Variants in BCAS2 observed in about 807,000 individuals in gnomAD.
BCAS2 encodes BCAS2 pre-mRNA processing factor.
A neutral mutation model predicts 35.3 loss-of-function variants in BCAS2; 34 were observed. The observed-to-expected ratio is 0.96, with a 90% CI of 0.73 to 1.28. BCAS2 has a LOEUF of 1.28. BCAS2 is among the 50% of genes most tolerant of loss of function. The pLI is 0.00. For missense variants in BCAS2, 221 were observed against 268.1 expected (o/e 0.82, Z 1.23); for synonymous variants, 75 against 91.6 (o/e 0.82, Z 1.03).
At chr1:114,581,136 C>T (rs1218768499) in intron 2 of BCAS2, among the ~76,000 whole-genome samples, 163 bp downstream of exon 2, 1 of 151,988 alleles carries the variant, frequency 6.6e-6, no homozygotes, top group East Asian at 1.9e-4. Context: ...ATAAGAACCT[C>T]GGAGAAGACT....
chr1:114,569,664 AT>A (rs768378562), intron 6 of BCAS2, among the ~76,000 whole-genome samples: 341 of 135,616 alleles, frequency 2.5e-3, no homozygotes, highest in Middle Eastern at 4.0e-3. Flanking sequence ...CACCGTGCCT[AT>A]TTTTTTTTTT....
intron 5 of BCAS2, 31 bp downstream of exon 5, chr1:114,570,669 C>G (rs1323478380): frequency 6.7e-7 from 1 of 1,490,150 alleles, no homozygotes; most frequent in Non-Finnish European, 9.2e-7. Flanking sequence ...TTCACTTAAA[C>G]TTCATTCTGT....
In BCAS2 at chr1:114,568,117, C is replaced by A; in HGVS notation, c.*13G>T. On this transcript the variant is annotated 3_prime_UTR_variant, in exon 7 of 7. Coordinates refer to ENST00000369541, the MANE Select transcript of BCAS2 (RefSeq NM_005872.3). ...GAAAGCCCAACTTTTCTTCTACCTG[C>A]TAAATTGTCTTTTCAGAAGTCTTGC... 6.2e-7 allele frequency: 1 copy of A among 1,611,908 alleles called. No individual in the cohort carries two copies. The highest frequency in any genetic ancestry group is 8.5e-7 in the Non-Finnish European group (1 of 1,179,850).
chr1:114,576,189 T>C (rs1184118009), intron 3 of BCAS2, among the ~76,000 whole-genome samples: 1 of 151,288 alleles, frequency 6.6e-6, no homozygotes, highest in East Asian at 1.9e-4. Context: ...TTCTATTCTC[T>C]CTTCATACTA....
At chr1:114,568,305 TCTTAG>T in intron 6 of BCAS2, 49 bp from the exon 7 acceptor site, 18 of 1,576,034 alleles carry the variant, frequency 1.1e-5, no homozygotes, top group Non-Finnish European at 1.5e-5. Flanking sequence ...GTAAAACTTC[TCTTAG>T]AAGATTTTAT....
At chr1:114,574,404 GTTACT>G (rs1408356874) in intron 4 of BCAS2, among the ~76,000 whole-genome samples, 5 of 152,182 alleles carry the variant, frequency 3.3e-5, no homozygotes, top group African/African-American at 9.7e-5. Flanking sequence ...TTTCAAGAAA[GTTACT>G]TTACATTTCT....
At chr1:114,577,377 A>ATTT (rs113493679) in intron 2 of BCAS2, among the ~76,000 whole-genome samples, 235 of 149,896 alleles carry the variant, frequency 1.6e-3, no homozygotes, top group Admixed American at 3.2e-3. Context: ...TTATTTATTT[A>ATTT]TTTTTTTTTT....
chr1:114,570,783 C>A, intron 4 of BCAS2, 33 bp from the exon 5 acceptor site: 1 of 1,432,184 alleles, frequency 7.0e-7, no homozygotes, highest in Non-Finnish European at 9.7e-7. Flanking sequence ...GATTAAAATA[C>A]ATTAAAATAG....
intron 5 of BCAS2, among the ~76,000 whole-genome samples, 196 bp from the exon 6 acceptor site, chr1:114,570,268 T>TCA (rs61232118): frequency 0.062 from 9,371 of 150,598 alleles, 799 homozygotes; most frequent in East Asian, 0.45. Flanking sequence ...TTGTGAGAAA[T>TCA]CACACACACA....
intron 6 of BCAS2, among the ~76,000 whole-genome samples, chr1:114,569,397 CAT>C (rs1483438539): frequency 1.3e-5 from 2 of 151,904 alleles, no homozygotes; most frequent in Non-Finnish European, 2.9e-5. Flanking sequence ...TAAAGGTATA[CAT>C]GTGTGTATGT....
chr1:114,575,036 C>CTTT (rs546575497), intron 4 of BCAS2, among the ~76,000 whole-genome samples: 258 of 140,294 alleles, frequency 1.8e-3, no homozygotes, highest in Non-Finnish European at 3.2e-3. Context: ...GCCGGCTAAT[C>CTTT]TTTTTTTTTT....
chr1:114,578,783 G>A (rs910139773), intron 2 of BCAS2, among the ~76,000 whole-genome samples: 4 of 152,142 alleles, frequency 2.6e-5, no homozygotes, highest in African/African-American at 9.7e-5. Context: ...ACAGACCTTC[G>A]TAAATAGTTG....
chr1:114,571,080 C>T (rs1391814345), intron 4 of BCAS2, among the ~76,000 whole-genome samples: 1 of 151,196 alleles, frequency 6.6e-6, no homozygotes, highest in African/African-American at 2.4e-5. Flanking sequence ...TTTTTTGAGA[C>T]AGTCTCGTTC....
intron 5 of BCAS2, 146 bp downstream of exon 5, chr1:114,570,554 A>C (rs2101626323): frequency 1.5e-6 from 1 of 650,648 alleles, no homozygotes; most frequent in East Asian, 2.7e-5. Flanking sequence ...AGGTAGGGCA[A>C]ACCCAGTGTC....
At chr1:114,570,672 C>G in intron 5 of BCAS2, 28 bp downstream of exon 5, 1 of 1,501,010 alleles carries the variant, frequency 6.7e-7, no homozygotes, top group Non-Finnish European at 9.1e-7. Flanking sequence ...ACTTAAACTT[C>G]ATTCTGTAAT....
intron 5 of BCAS2, 148 bp downstream of exon 5, chr1:114,570,552 C>A: frequency 1.5e-6 from 1 of 646,974 alleles, no homozygotes; most frequent in Non-Finnish European, 2.7e-6. Flanking sequence ...TTAGGTAGGG[C>A]AAACCCAGTG....
chr1:114,579,749 C>T (rs1416324167), intron 2 of BCAS2, among the ~76,000 whole-genome samples: 1 of 151,954 alleles, frequency 6.6e-6, no homozygotes, highest in Non-Finnish European at 1.5e-5. Context: ...ACCTGCAATC[C>T]CAGCTACTCG....
chr1:114,576,869 C>T, intron 2 of BCAS2, 111 bp from the exon 3 acceptor site: 1 of 733,742 alleles, frequency 1.4e-6, no homozygotes, highest in East Asian at 2.9e-5. Context: ...AATTGTTTAC[C>T]TTTCCCTAAT....
chr1:114,576,594 G>A (rs1654773816), intron 3 of BCAS2, 94 bp downstream of exon 3: 3 of 1,067,866 alleles, frequency 2.8e-6, no homozygotes, highest in South Asian at 1.4e-5. Flanking sequence ...GGCCAACACT[G>A]CCAATATTAG....
Sources: gnomAD v4.1 joint callset for allele counts (sites outside exome capture counted in the v4.1 genomes callset) on GRCh38, gnomAD v4.1.1 for gene constraint, MANE v1.5 for transcripts, NCBI Gene and HGNC (gene_info 2026-07-23, HGNC 2026-07-21) for gene names.